CSGALNACT1: variants seen among roughly 807,000 people sequenced by gnomAD.
CSGALNACT1 encodes beta4GalNAcT-1.
Under a neutral mutation model 51.0 loss-of-function variants are expected in CSGALNACT1, and 52 were observed. The observed-to-expected ratio is 1.02, with a 90% confidence interval of 0.82 to 1.29. The LOEUF is 1.29. Ranked by LOEUF, CSGALNACT1 falls within the 50% of genes most tolerant of loss-of-function variation. The pLI, the probability that CSGALNACT1 is intolerant of heterozygous loss-of-function variation, is 0.00. For synonymous variants in CSGALNACT1, 341 were observed against 254.4 expected (o/e 1.34, Z -3.24); for missense variants, 935 against 679.2 (o/e 1.38, Z -4.19).
chr8:19,736,560 T>C (rs1437593806), intron 1 of CSGALNACT1, among the ~76,000 whole-genome samples: 1 of 151,774 alleles, frequency 6.6e-6, no homozygotes, highest in Non-Finnish European at 1.5e-5. Context: ...AAGAGTGGCA[T>C]TACTTTTCAA....
Position 19,708,410 on chromosome 8 carries a change from T to C in CSGALNACT1, c.-297+49440A>G, listed in dbSNP as rs150881791. Among the ~76,000 whole-genome samples, 416 of 152,228 alleles carry C rather than the reference T, an allele frequency of 2.7e-3. 3 individuals are homozygous for C. Among genetic ancestry groups the C allele is most frequent in the African/African-American group, 9.6e-3 (397 of 41,526 alleles). ...AACAGCTACCCCAGATTTTAGGATA[T>C]TTTCCTGAAAGTCACATGGGTTCCA... On this transcript the variant is annotated intron_variant, in intron 1 of 1. Transcript: ENST00000517494.
At chr8:19,430,030 T>C (rs1394408783) in intron 6 of CSGALNACT1, among the ~76,000 whole-genome samples, 1 of 152,270 alleles carries the variant, frequency 6.6e-6, no homozygotes, top group Non-Finnish European at 1.5e-5. Context: ...TTTGGAGAAA[T>C]GTACATCCAA....
intron 1 of CSGALNACT1, among the ~76,000 whole-genome samples, chr8:19,752,303 T>G (rs986142307): frequency 2.0e-5 from 3 of 151,736 alleles, no homozygotes; most frequent in Admixed American, 6.6e-5. Context: ...TCACACAAAC[T>G]TATGCAGGTT....
chr8:19,458,371 C>A, intron 5 of CSGALNACT1, 55 bp downstream of exon 4: 1 of 1,341,968 alleles, frequency 7.5e-7, no homozygotes, highest in South Asian at 1.2e-5. Flanking sequence ...GAAATGATAT[C>A]AGTGTTCTAA....
chr8:19,618,629 C>CAAAAAAAAAAAA, intron 1 of CSGALNACT1, among the ~76,000 whole-genome samples: 1 of 64,032 alleles, frequency 1.6e-5, no homozygotes, highest in Non-Finnish European at 2.8e-5. Flanking sequence ...AATACTCCAT[C>CAAAAAAAAAAAA]AAAAAAAAAA....
At chr8:19,716,308 G>A (rs561434504) in intron 1 of CSGALNACT1, among the ~76,000 whole-genome samples, 47 of 152,174 alleles carry the variant, frequency 3.1e-4, no homozygotes, top group Middle Eastern at 3.4e-3. Context: ...ATCCTGTGTG[G>A]TAGGGAGTAT....
At chr8:19,700,280 C>T (rs1346022710) in intron 1 of CSGALNACT1, among the ~76,000 whole-genome samples, 1 of 151,932 alleles carries the variant, frequency 6.6e-6, no homozygotes, top group African/African-American at 2.4e-5. Context: ...GTGTGATCTT[C>T]CTAGACAGCA....
At chr8:19,536,742 C>T (rs558596192) in intron 3 of CSGALNACT1, among the ~76,000 whole-genome samples, 1 of 152,232 alleles carries the variant, frequency 6.6e-6, no homozygotes, top group East Asian at 1.9e-4. Flanking sequence ...AGAAATCAGT[C>T]TACTAGTTTC....
chr8:19,661,300 AG>A (rs1219745924), intron 1 of CSGALNACT1, among the ~76,000 whole-genome samples: 1 of 152,204 alleles, frequency 6.6e-6, no homozygotes, highest in African/African-American at 2.4e-5. Flanking sequence ...GAAACTGGGC[AG>A]GGACTCTGCC....
intron 4 of CSGALNACT1, among the ~76,000 whole-genome samples, chr8:19,468,766 G>A (rs928459277): frequency 6.6e-6 from 1 of 152,134 alleles, no homozygotes; most frequent in East Asian, 1.9e-4. Flanking sequence ...GATTTGAAGA[G>A]GTGTATGAGT....
chr8:19,433,149 A>G (rs2059892186), intron 6 of CSGALNACT1, among the ~76,000 whole-genome samples: 1 of 152,190 alleles, frequency 6.6e-6, no homozygotes, highest in South Asian at 2.1e-4. Flanking sequence ...TTGTGCGACC[A>G]CTTAATGGTC....
chr8:19,410,916 G>A (rs2055556406), intron 8 of CSGALNACT1, among the ~76,000 whole-genome samples: 2 of 152,228 alleles, frequency 1.3e-5, no homozygotes, highest in African/African-American at 2.4e-5. Flanking sequence ...CTAACTGGAA[G>A]GACGCGCTCA....
chr8:19,513,436 C>CTCTCTCTATATATATATATATATATA, intron 3 of CSGALNACT1, among the ~76,000 whole-genome samples: 16 of 81,964 alleles, frequency 2.0e-4, no homozygotes, highest in Non-Finnish European at 2.8e-4. Context: ...CTCTCTCTCT[C>CTCTCTCTATATATATATATATATATA]TATATATATA....
intron 4 of CSGALNACT1, among the ~76,000 whole-genome samples, chr8:19,487,200 G>C (rs2073161555): frequency 1.3e-5 from 2 of 152,160 alleles, no homozygotes; most frequent in South Asian, 4.1e-4. Flanking sequence ...CTGCTCCAGA[G>C]ACTCATATGT....
At chr8:19,730,464 G>A (rs1211514861) in intron 1 of CSGALNACT1, among the ~76,000 whole-genome samples, 1 of 152,228 alleles carries the variant, frequency 6.6e-6, no homozygotes, top group African/African-American at 2.4e-5. Context: ...TCCATGCTGA[G>A]GTTGGAATTA....
chr8:19,502,329 C>G (rs77011872), intron 4 of CSGALNACT1, among the ~76,000 whole-genome samples: 1 of 152,146 alleles, frequency 6.6e-6, no homozygotes, highest in African/African-American at 2.4e-5. Flanking sequence ...CATATATGTT[C>G]AGTCTCTTGT....
intron 1 of CSGALNACT1, among the ~76,000 whole-genome samples, chr8:19,744,138 G>C (rs180987043): frequency 5.3e-5 from 8 of 152,230 alleles, no homozygotes; most frequent in Non-Finnish European, 1.0e-4. Context: ...CACAAATCAG[G>C]CTCGATAAGG....
intron 8 of CSGALNACT1, 150 bp downstream of exon 7, chr8:19,418,506 G>T (rs1013850299): frequency 1.4e-6 from 1 of 705,500 alleles, no homozygotes; most frequent in Admixed American, 2.0e-5. Flanking sequence ...GAGGCGCCGG[G>T]AGCAGAGGCC....
intron 1 of CSGALNACT1, among the ~76,000 whole-genome samples, chr8:19,639,790 G>A (rs957620700): frequency 6.6e-6 from 1 of 151,722 alleles, no homozygotes; most frequent in Admixed American, 6.6e-5. Context: ...AAATATTAAG[G>A]AGTCTCCTGA....
Sources: allele counts gnomAD v4.1 joint callset (sites outside exome capture counted in the v4.1 genomes callset), GRCh38; gene constraint gnomAD v4.1.1; transcripts MANE v1.5; gene names NCBI Gene and HGNC (gene_info 2026-07-23, HGNC 2026-07-21).